The following ABCA8 variants were observed in gnomAD, a reference collection of about 807,000 sequenced individuals.
The protein encoded by ABCA8 is ABC-type organic anion transporter ABCA8.
A neutral mutation model predicts 192.3 loss-of-function variants in ABCA8; 177 were observed. The ratio of observed to expected loss-of-function variants is 0.92; its 90% CI spans 0.81 to 1.04. ABCA8 has a LOEUF of 1.04. Ranked by LOEUF, ABCA8 falls within the 50% of genes least tolerant of loss-of-function variation. The pLI, the probability that ABCA8 is intolerant of heterozygous loss-of-function variation, is 0.00. For synonymous variants in ABCA8, 642 were observed against 690.2 expected, an observed-to-expected ratio of 0.93 and a Z score of 1.09; for missense variants, 1,915 against 1,904.8, an observed-to-expected ratio of 1.01 and a Z score of -0.10.
intron 21 of ABCA8, among the ~76,000 whole-genome samples, chr17:68,899,468 G>A (rs1228931454): frequency 6.6e-6 from 1 of 151,876 alleles, no homozygotes; most frequent in Non-Finnish European, 1.5e-5. Context: ...TCTAATATCA[G>A]ACAAAATAGA....
chr17:68,940,745 CT>C lies in ABCA8; in HGVS notation c.301+12del. On this transcript the variant is annotated intron_variant, in intron 4 of 39. Coordinates refer to ENST00000586539, the MANE Select transcript of ABCA8 (RefSeq NM_001288985.2). The stretch of plus-strand genomic sequence containing the variant: ...CACACCAGACATTCTTCTTAAGTAA[CT>C]AGAAAACTTACCTGCCAGGAAGGGA... 6.2e-7 allele frequency: 1 copy of C among 1,603,744 alleles called. No individual in the cohort carries two copies. The highest frequency in any genetic ancestry group is 8.5e-7 in the Non-Finnish European group (1 of 1,170,964).
In ABCA8 at chr17:68,911,947, A is replaced by G. The variant is rs772590378; in HGVS notation, c.2139-4068T>C. 1.3e-5 allele frequency among the ~76,000 whole-genome samples: 2 copies of G among 152,186 alleles called. No homozygotes were observed. Among genetic ancestry groups the G allele is most frequent in the Admixed American group, 1.3e-4 (2 of 15,280 alleles). On this transcript the variant is annotated intron_variant, in intron 17 of 39. Transcript: ENST00000586539. The surrounding 1 kb of genome is among the most constrained non-coding windows in gnomAD (Gnocchi z 5.7). ...AGTGACCAAAGACTTAGACCATAAC[A>G]TTCTATTCCCTTTGAATACTTGGAA...
intron 21 of ABCA8, among the ~76,000 whole-genome samples, chr17:68,895,288 A>G (rs1329179118): frequency 1.3e-5 from 2 of 152,192 alleles, no homozygotes; most frequent in South Asian, 2.1e-4. Context: ...ATAACCAATA[A>G]AGCTTTAATG....
intron 27 of ABCA8, 101 bp from the exon 28 acceptor site, chr17:68,884,497 C>T: frequency 7.1e-7 from 1 of 1,407,048 alleles, no homozygotes; most frequent in Non-Finnish European, 9.2e-7. Context: ...TAACATTTGA[C>T]CATGAATATC....
intron 1 of ABCA8, among the ~76,000 whole-genome samples, chr17:68,954,917 T>G (rs1244253887): frequency 6.6e-6 from 1 of 152,170 alleles, no homozygotes; most frequent in Non-Finnish European, 1.5e-5. Flanking sequence ...CACAAAAAAT[T>G]TTTAGCCAAT....
Position 68,900,990 on chromosome 17 carries a change from A to C in ABCA8, c.2764+1723T>G, listed in dbSNP as rs940716531. On this transcript the variant is annotated intron_variant, in intron 21 of 39. Coordinates refer to ENST00000586539, the MANE Select transcript of ABCA8 (RefSeq NM_001288985.2). ...TTTAAACAGCAAAATCATCACAAAA[A>C]AACATAAAAATGTGAAAAATGTGGC... is the stretch of plus-strand genomic sequence containing the variant. Among the ~76,000 whole-genome samples the C allele has an allele frequency of 1.4e-4, 22 of 152,216 alleles. 1 individual carries two copies. Among genetic ancestry groups the C allele is most frequent in the Non-Finnish European group, 1.8e-4 (12 of 68,032 alleles).
At chr17:68,900,985 C>T (rs1395080855) in intron 21 of ABCA8, among the ~76,000 whole-genome samples, 8 of 151,702 alleles carry the variant, frequency 5.3e-5, no homozygotes, top group Admixed American at 2.0e-4. Context: ...AAAATCATCA[C>T]AAAAAAACAT....
At chr17:68,885,952 C>A (rs545083528) in intron 26 of ABCA8, among the ~76,000 whole-genome samples, 1 of 151,972 alleles carries the variant, frequency 6.6e-6, no homozygotes, top group South Asian at 2.1e-4. Context: ...AGGAATAAAA[C>A]AACAAAAATG....
chr17:68,901,042 G>T (rs2066895982), intron 21 of ABCA8, among the ~76,000 whole-genome samples: 1 of 152,134 alleles, frequency 6.6e-6, no homozygotes, highest in Admixed American at 6.5e-5. Context: ...AAAGGCATTT[G>T]TTTACAGTAT....
chr17:68,902,918 T>C lies in ABCA8; in HGVS notation c.2598-39A>G, dbSNP rs768557665. ...AATTGCCAAAATGAATGCAATGTCA[T>C]TTCCTGATCTAATACTCTCTGAGCA... On this transcript the variant is annotated intron_variant, in intron 20 of 39. Coordinates refer to ENST00000586539, the MANE Select transcript of ABCA8 (RefSeq NM_001288985.2). 3 of 1,547,066 alleles carry C rather than the reference T, an allele frequency of 1.9e-6. No homozygotes were observed. The African/African-American group carries it at 4.1e-5, about 21-fold the overall frequency.
At chr17:68,927,290 G>A (rs148803441) in intron 10 of ABCA8, among the ~76,000 whole-genome samples, 355 of 152,186 alleles carry the variant, frequency 2.3e-3, no homozygotes, top group African/African-American at 8.3e-3. Flanking sequence ...AAGCACACAA[G>A]TATCTAGGGT....
At chr17:68,930,851 T>C (rs564273821) in intron 7 of ABCA8, among the ~76,000 whole-genome samples, 3 of 152,202 alleles carry the variant, frequency 2.0e-5, no homozygotes, top group Middle Eastern at 3.2e-3. Flanking sequence ...TGTTGCCCTA[T>C]GCACAGCCCA....
intron 24 of ABCA8, 73 bp downstream of exon 24, chr17:68,891,416 T>C: frequency 1.9e-6 from 2 of 1,036,326 alleles, no homozygotes; most frequent in East Asian, 2.5e-5. Flanking sequence ...GAAATATTCT[T>C]ATGAAAAATT....
intron 31 of ABCA8, 35 bp downstream of exon 31, chr17:68,881,828 C>A: frequency 6.6e-7 from 1 of 1,510,146 alleles, no homozygotes. Flanking sequence ...CTGAGGAGGG[C>A]TCTGAGCCAG....
chr17:68,915,766 A>G lies in ABCA8; in HGVS notation c.2138+1595T>C, dbSNP rs550596600. ...AGCTACCATATGATCCAGCAATCCCACTACTAGGTATATACCCCAAAGAAA... is the reference window on the plus strand; with the variant it reads ...AGCTACCATATGATCCAGCAATCCCGCTACTAGGTATATACCCCAAAGAAA... On this transcript the variant is annotated intron_variant, in intron 17 of 39. Coordinates refer to ENST00000586539, the MANE Select transcript of ABCA8 (RefSeq NM_001288985.2). Among the ~76,000 whole-genome samples, 8 of 152,340 alleles carry G rather than the reference A, an allele frequency of 5.3e-5. No individual in the cohort carries two copies. In the East Asian group the frequency reaches 1.3e-3, roughly 26 times the overall value.
chr17:68,923,201 T>C (rs991340520), intron 11 of ABCA8, among the ~76,000 whole-genome samples: 1 of 106,672 alleles, frequency 9.4e-6, no homozygotes, highest in African/African-American at 3.1e-5. Flanking sequence ...ATTATTATTA[T>C]TATTATTTTT....
rs4148022 is a variant in ABCA8 at position 68,907,890 on chromosome 17, GAAA to G, written c.2139-14_2139-12del. The G allele has an allele frequency of 4.1e-5, 54 of 1,316,246 alleles. No homozygotes were observed. Among genetic ancestry groups the G allele is most frequent in the South Asian group, 1.1e-4 (7 of 62,046 alleles). The allele number at this position is 1,316,246 out of a possible 1,614,324, so 81.5% of individuals were successfully genotyped here. ...TCATTTAACTGCAAGCTGGCATTCA[GAAA>G]AAAAAAAAAAGACATATGTTACTCG... On this transcript the variant is annotated splice_polypyrimidine_tract_variant and intron_variant, in intron 17 of 39. Coordinates refer to ENST00000586539, the MANE Select transcript of ABCA8 (RefSeq NM_001288985.2).
At position 68,902,697 on chromosome 17, in the gene ABCA8, G is replaced by A. The variant is rs1479642300; in HGVS notation, c.2764+16C>T. ...AACAGTAAATGTATTTGGAAATCAA[G>A]TATCCACCATTTTACCTGTTTTATT... On this transcript the variant is annotated intron_variant, in intron 21 of 39. Coordinates refer to ENST00000586539, the MANE Select transcript of ABCA8 (RefSeq NM_001288985.2). 2 of 1,602,598 alleles carry A rather than the reference G, an allele frequency of 1.2e-6. No individual in the cohort carries two copies. The highest frequency in any genetic ancestry group is 1.7e-6 in the Non-Finnish European group (2 of 1,170,374).
At chr17:68,904,437 G>A (rs916095047) in intron 19 of ABCA8, among the ~76,000 whole-genome samples, 26 of 152,056 alleles carry the variant, frequency 1.7e-4, no homozygotes, top group Middle Eastern at 3.4e-3. Flanking sequence ...TCAGATGGGC[G>A]AGAGCACAAA....
Sources: gnomAD v4.1 joint callset for allele counts (sites outside exome capture counted in the v4.1 genomes callset) on GRCh38, gnomAD v4.1.1 for gene constraint, Gnocchi (gnomAD v3.1) non-coding constraint, MANE v1.5 for transcripts, NCBI Gene and HGNC (gene_info 2026-07-23, HGNC 2026-07-21) for gene names.